The following SUSD1 variants were observed in gnomAD, a reference collection of about 807,000 sequenced individuals.
SUSD1 encodes the protein sushi domain containing 1.
Under a neutral mutation model 86.9 loss-of-function variants are expected in SUSD1, and 65 were observed. The observed-to-expected ratio is 0.75, with a 90% CI of 0.61 to 0.92. The LOEUF (loss-of-function observed/expected upper bound fraction) is 0.92. Among genes scored for constraint, SUSD1 ranks in the 40% least tolerant of loss-of-function variants. The probability of loss-of-function intolerance (pLI) is 0.00; values close to 1 mark genes in which losing one functional copy is unlikely to be tolerated. For missense variants in SUSD1, 850 were observed against 929.7 expected, an observed-to-expected ratio of 0.91 and a Z score of 1.11; for synonymous variants, 346 against 350.0, an observed-to-expected ratio of 0.99 and a Z score of 0.13.
intron 2 of SUSD1, among the ~76,000 whole-genome samples, chr9:112,156,175 A>C (rs1833303170): frequency 1.3e-5 from 2 of 150,344 alleles, no homozygotes; most frequent in South Asian, 2.1e-4. Flanking sequence ...AAAAAAAAAA[A>C]CTCACTGGCC....
chr9:112,121,449 G>A (rs973085888), intron 6 of SUSD1, among the ~76,000 whole-genome samples: 1 of 152,132 alleles, frequency 6.6e-6, no homozygotes, highest in African/African-American at 2.4e-5. Flanking sequence ...TGGGGAAAAG[G>A]TCTGTTTCCC....
At chr9:112,119,229 G>A (rs1413918444) in intron 6 of SUSD1, among the ~76,000 whole-genome samples, 2 of 152,242 alleles carry the variant, frequency 1.3e-5, no homozygotes, top group African/African-American at 4.8e-5. Flanking sequence ...CCCTGGGTGT[G>A]TACGTTCATG....
chr9:112,140,215 A>G lies in SUSD1; in HGVS notation c.706+2105T>C, dbSNP rs1312513718. Among the ~76,000 whole-genome samples, 8 of 126,094 alleles carry G rather than the reference A, an allele frequency of 6.3e-5. 1 individual carries two copies. The South Asian group carries it at 1.8e-3, about 28-fold the overall frequency. 82.7% of individuals were successfully genotyped at this position (126,094 alleles called of 152,430 possible). ...GTCTCTACCAAAAATACAAAAAATT[A>G]GCCGGGCGCGGTGGCGGGCGCCTGT... On this transcript the variant is annotated intron_variant, in intron 5 of 16. Coordinates refer to ENST00000374270, the MANE Select transcript of SUSD1 (RefSeq NM_022486.5).
At chr9:112,169,173 A>C (rs1170536712) in intron 1 of SUSD1, 2 of 152,150 alleles carry the variant, frequency 1.3e-5, no homozygotes, top group East Asian at 3.8e-4. Context: ...CAAGACAGAG[A>C]GCACTCTACT....
chr9:112,138,281 G>GTATATACACATATATATATATATGTGTAT (rs1491304710), intron 5 of SUSD1, among the ~76,000 whole-genome samples: 2 of 47,238 alleles, frequency 4.2e-5, no homozygotes, highest in Non-Finnish European at 4.3e-5. Context: ...ATATATATAT[G>GTATATACACATATATATATATATGTGTAT]AAGTCCAGGA....
intron 12 of SUSD1, among the ~76,000 whole-genome samples, chr9:112,070,005 T>TTTTTG: frequency 6.6e-6 from 1 of 152,266 alleles, no homozygotes; most frequent in East Asian, 1.9e-4. Flanking sequence ...TTTGTTTTTG[T>TTTTTG]TTTTGCTTTT....
chr9:112,097,968 C>T (rs139592962), intron 10 of SUSD1, among the ~76,000 whole-genome samples: 1 of 152,278 alleles, frequency 6.6e-6, no homozygotes, highest in East Asian at 1.9e-4. Context: ...ATGTGGCTTC[C>T]TCAAAAGACT....
At chr9:112,100,211 G>A (rs907646325) in intron 9 of SUSD1, among the ~76,000 whole-genome samples, 1 of 151,976 alleles carries the variant, frequency 6.6e-6, no homozygotes, top group African/African-American at 2.4e-5. Context: ...TTTTTAGACG[G>A]AGTCTTGCTC....
chr9:112,120,880 T>C (rs2131677010), intron 6 of SUSD1, among the ~76,000 whole-genome samples: 1 of 152,324 alleles, frequency 6.6e-6, no homozygotes, highest in Admixed American at 6.5e-5. Context: ...ATGAAGCAAA[T>C]GGCTGAGGCT....
chr9:112,093,708 C>A (rs1378517507), intron 10 of SUSD1, among the ~76,000 whole-genome samples: 1 of 152,096 alleles, frequency 6.6e-6, no homozygotes, highest in Admixed American at 6.6e-5. Context: ...TATCTCCCTG[C>A]AAAAGACAGA....
chr9:112,098,684 G>A, intron 9 of SUSD1, 22 bp from the exon 10 acceptor site: 1 of 1,612,224 alleles, frequency 6.2e-7, no homozygotes, highest in Admixed American at 1.7e-5. Flanking sequence ...TTAAAAGAAA[G>A]TGTTACATTA....
intron 1 of SUSD1, among the ~76,000 whole-genome samples, chr9:112,168,203 A>G (rs1833903418): frequency 6.6e-6 from 1 of 152,248 alleles, no homozygotes; most frequent in Non-Finnish European, 1.5e-5. Flanking sequence ...TGAATAAAAG[A>G]AGGTACTAAC....
At chr9:112,157,382 T>C in intron 2 of SUSD1, 118 bp downstream of exon 2, 1 of 686,090 alleles carries the variant, frequency 1.5e-6, no homozygotes, top group Non-Finnish European at 2.4e-6. Context: ...AAACTTCTCA[T>C]AATAAAAACA....
intron 15 of SUSD1, among the ~76,000 whole-genome samples, chr9:112,050,115 C>T (rs1466832629): frequency 6.6e-6 from 1 of 152,150 alleles, no homozygotes; most frequent in African/African-American, 2.4e-5. Context: ...CATCTCTTTT[C>T]CTCGTGAGAA....
chr9:112,129,466 C>T (rs542273484), intron 5 of SUSD1, among the ~76,000 whole-genome samples: 2 of 152,092 alleles, frequency 1.3e-5, no homozygotes, highest in African/African-American at 2.4e-5. Context: ...ACGTGCACAA[C>T]CATATATGGC....
chr9:112,094,037 C>G (rs771486687), intron 10 of SUSD1, among the ~76,000 whole-genome samples: 17 of 152,088 alleles, frequency 1.1e-4, no homozygotes, highest in Non-Finnish European at 2.2e-4. Context: ...CAATGCGACT[C>G]AAAATGTGGA....
At chr9:112,074,929 G>A (rs1829452460) in intron 12 of SUSD1, among the ~76,000 whole-genome samples, 1 of 151,600 alleles carries the variant, frequency 6.6e-6, no homozygotes, top group Non-Finnish European at 1.5e-5. Flanking sequence ...GCTCAACAAT[G>A]TCCCCTGGTG....
intron 7 of SUSD1, 46 bp downstream of exon 7, chr9:112,112,725 G>T (rs1318736650): frequency 3.1e-6 from 4 of 1,287,138 alleles, no homozygotes; most frequent in East Asian, 2.3e-5. Context: ...TATTCCCATG[G>T]GTGACGTGTC....
chr9:112,049,653 CT>C (rs1160323038), intron 15 of SUSD1, among the ~76,000 whole-genome samples: 11 of 152,224 alleles, frequency 7.2e-5, no homozygotes, highest in African/African-American at 2.7e-4. Context: ...TAATTTAGAT[CT>C]CGGTTCTCTG....
Sources: allele counts gnomAD v4.1 joint callset (sites outside exome capture counted in the v4.1 genomes callset), GRCh38; gene constraint gnomAD v4.1.1; transcripts MANE v1.5; gene names NCBI Gene and HGNC (gene_info 2026-07-23, HGNC 2026-07-21).